The following ASTN2 variants were observed in gnomAD, a reference collection of about 807,000 sequenced individuals.
The protein encoded by ASTN2 is astrotactin 2, also known as astrotactin-2.
In ASTN2, 54 loss-of-function variants were observed where a neutral mutation model predicts 139.8. That is an observed-to-expected ratio of 0.39 (90% CI 0.31 to 0.48). The LOEUF (loss-of-function observed/expected upper bound fraction) is 0.48, where lower values mean the gene tolerates loss of function less well. ASTN2 is among the 20% of genes least tolerant of loss of function. The pLI is 0.95. For missense variants in ASTN2, 1,565 were observed against 1,725.1 expected (o/e 0.91, Z 1.64); for synonymous variants, 756 against 719.5 (o/e 1.05, Z -0.81).
chr9:116,637,667 G>A (rs931889009), intron 17 of ASTN2, among the ~76,000 whole-genome samples: 1 of 152,138 alleles, frequency 6.6e-6, no homozygotes, highest in East Asian at 1.9e-4. Flanking sequence ...GGCTGGGTAC[G>A]GTAGTACATG....
chr9:117,391,794 C>A (rs535683863), intron 1 of ASTN2, among the ~76,000 whole-genome samples: 20 of 152,272 alleles, frequency 1.3e-4, no homozygotes, highest in Non-Finnish European at 2.8e-4. Flanking sequence ...ACCTTTGAGC[C>A]TGTAAAATCA....
At chr9:116,608,596 TTTTGAACAAAAGAG>T (rs1386984355) in intron 19 of ASTN2, among the ~76,000 whole-genome samples, 60 of 151,578 alleles carry the variant, frequency 4.0e-4, no homozygotes, top group African/African-American at 9.9e-4. Context: ...GAACAAAATA[TTTTGAACAAAAGAG>T]TTTGAACAAA....
intron 4 of ASTN2, among the ~76,000 whole-genome samples, chr9:117,096,769 G>A (rs572029667): frequency 2.6e-4 from 40 of 152,228 alleles, no homozygotes; most frequent in Non-Finnish European, 4.7e-4. Context: ...ATTTCAACAC[G>A]GAGGGCCTGA....
chr9:117,038,224 C>A (rs1323123913), intron 6 of ASTN2, among the ~76,000 whole-genome samples: 1 of 152,084 alleles, frequency 6.6e-6, no homozygotes, highest in Non-Finnish European at 1.5e-5. Context: ...AATACCGAAA[C>A]TTAACGGAAA....
rs1191666312 is a variant in ASTN2 at position 116,698,660 on chromosome 9, C to G, written c.2806+27111G>C. ...CCCGGACAGTTAACGTGGAAGATTC[C>G]TGGGCCATGGAGGCCACAGCGTCTG... On this transcript the variant is annotated intron_variant, in intron 16 of 22. Transcript: ENST00000313400. The surrounding 1 kb of genome is among the most constrained non-coding windows in gnomAD (Gnocchi z 4.4). 1.2e-6 allele frequency: 2 copies of G among 1,614,176 alleles called. No homozygotes were observed. The highest frequency in any genetic ancestry group is 8.5e-7 in the Non-Finnish European group (1 of 1,180,034).
intron 13 of ASTN2, among the ~76,000 whole-genome samples, chr9:116,762,408 A>C (rs10733621): frequency 0.3 from 46,028 of 151,966 alleles, 8,836 homozygotes; most frequent in Non-Finnish European, 0.41. Context: ...ATTGACACTG[A>C]AGTGCTTTGA....
intron 10 of ASTN2, among the ~76,000 whole-genome samples, chr9:116,953,702 G>A (rs1359516847): frequency 6.6e-6 from 1 of 152,190 alleles, no homozygotes; most frequent in Non-Finnish European, 1.5e-5. Flanking sequence ...TGAGTGCAAA[G>A]CCCTGCACTA....
intron 20 of ASTN2, among the ~76,000 whole-genome samples, chr9:116,451,198 C>A (rs1240700354): frequency 1.3e-5 from 2 of 152,210 alleles, no homozygotes; most frequent in Admixed American, 1.3e-4. Context: ...ACTGCTAAAT[C>A]CCCTGAAATT....
chr9:116,898,289 G>T (rs886224091), intron 10 of ASTN2, among the ~76,000 whole-genome samples: 2 of 151,710 alleles, frequency 1.3e-5, no homozygotes, highest in African/African-American at 4.8e-5. Context: ...TATGCTTGTG[G>T]TCTCAGCTAC....
At chr9:116,546,658 T>C (rs1852107102) in intron 19 of ASTN2, 1 of 152,184 alleles carries the variant, frequency 6.6e-6, no homozygotes, top group African/African-American at 2.4e-5. Flanking sequence ...TATTGCCTCT[T>C]GGAACATTAT....
At chr9:117,052,314 C>A (rs952119469) in intron 5 of ASTN2, among the ~76,000 whole-genome samples, 2 of 151,768 alleles carry the variant, frequency 1.3e-5, no homozygotes, top group African/African-American at 4.8e-5. Flanking sequence ...GTGGTGGGCA[C>A]CTGTAGTCCC....
At chr9:116,882,139 C>G (rs1833465476) in intron 10 of ASTN2, among the ~76,000 whole-genome samples, 1 of 152,178 alleles carries the variant, frequency 6.6e-6, no homozygotes, top group Non-Finnish European at 1.5e-5. Context: ...AGTACCTGCT[C>G]TTTCTGGCCC....
At chr9:116,538,311 A>C (rs1390763783) in intron 19 of ASTN2, among the ~76,000 whole-genome samples, 1 of 152,110 alleles carries the variant, frequency 6.6e-6, no homozygotes, top group Non-Finnish European at 1.5e-5. Flanking sequence ...GGAATGAGGA[A>C]GAAAGGGAGG....
At chr9:116,472,045 C>T (rs1848829188) in intron 20 of ASTN2, among the ~76,000 whole-genome samples, 1 of 152,132 alleles carries the variant, frequency 6.6e-6, no homozygotes, top group South Asian at 2.1e-4. Flanking sequence ...CAGATTCATT[C>T]AGCCAGACCC....
intron 1 of ASTN2, among the ~76,000 whole-genome samples, chr9:117,310,242 G>T (rs1304403757): frequency 6.6e-6 from 1 of 152,094 alleles, no homozygotes; most frequent in African/African-American, 2.4e-5. Context: ...TGTAAAATAG[G>T]TTTGCTAATC....
chr9:116,425,829 T>A lies in ASTN2; in HGVS notation c.*22A>T. The A allele has an allele frequency of 6.2e-7, 1 of 1,613,724 alleles. No homozygotes were observed. Among genetic ancestry groups the A allele is most frequent in the Non-Finnish European group, 8.5e-7 (1 of 1,179,864 alleles). On this transcript the variant is annotated 3_prime_UTR_variant, in exon 23 of 23. Transcript: ENST00000313400. The stretch of plus-strand genomic sequence containing the variant: ...CCCCTCCCATGGAGAGTCTCTGTGC[T>A]CACGGAGGGCAATACCCTCCCTCAC...
intron 5 of ASTN2, among the ~76,000 whole-genome samples, chr9:117,074,757 T>C (rs536056608): frequency 6.6e-6 from 1 of 152,322 alleles, no homozygotes; most frequent in African/African-American, 2.4e-5. Flanking sequence ...TATCTACGTA[T>C]CTATCTATAT....
At chr9:117,058,302 C>A (rs748797128) in intron 5 of ASTN2, among the ~76,000 whole-genome samples, 4 of 152,144 alleles carry the variant, frequency 2.6e-5, no homozygotes, top group Non-Finnish European at 4.4e-5. Context: ...CAGTCATTAC[C>A]TTCTCAGTGC....
At chr9:117,080,927 G>C (rs902139255) in intron 5 of ASTN2, among the ~76,000 whole-genome samples, 4 of 152,184 alleles carry the variant, frequency 2.6e-5, no homozygotes, top group African/African-American at 9.7e-5. Context: ...GGCCTCTGAT[G>C]CAATTTCTTC....
Sources: allele counts gnomAD v4.1 joint callset (sites outside exome capture counted in the v4.1 genomes callset), GRCh38; gene constraint gnomAD v4.1.1; non-coding constraint Gnocchi (gnomAD v3.1); transcripts MANE v1.5; gene names NCBI Gene and HGNC (gene_info 2026-07-23, HGNC 2026-07-21).